Variants in CPS1 observed in about 807,000 individuals in gnomAD.
CPS1 encodes carbamoyl-phosphate synthase [ammonia], mitochondrial.
A neutral mutation model predicts 174.6 loss-of-function variants in CPS1; 109 were observed. That is an observed-to-expected ratio of 0.62 (90% CI 0.53 to 0.73). The LOEUF (loss-of-function observed/expected upper bound fraction) is 0.73. Ranked by LOEUF, CPS1 falls within the 30% of genes least tolerant of loss-of-function variation. CPS1 has a pLI of 0.00. For synonymous variants in CPS1, 637 were observed against 632.0 expected (o/e 1.01, Z -0.12); for missense variants, 1,689 against 1,821.9 (o/e 0.93, Z 1.33).
intron 6 of CPS1, among the ~76,000 whole-genome samples, chr2:210,587,103 GA>G (rs914015185): frequency 6.6e-6 from 1 of 151,216 alleles, no homozygotes. Context: ...GTCAGTGGGA[GA>G]AAAAAAACCC....
In CPS1 at chr2:210,678,365, C is replaced by G. The variant is rs10932349; in HGVS notation, c.*380C>G. The G allele has an allele frequency of 0.073, 20,992 of 289,180 alleles. 813 individuals are homozygous for G. Among genetic ancestry groups the G allele is most frequent in the Middle Eastern group, 0.14 (111 of 820 alleles). The allele number at this position is 289,180 out of a possible 1,614,324, so 17.9% of individuals were successfully genotyped here. Reference sequence around the variant, plus strand: ...TTTAAGATACTCTATTTTTAAAACACTATCTGCAAACTCAGGACACTTTAA... The same window carrying G: ...TTTAAGATACTCTATTTTTAAAACAGTATCTGCAAACTCAGGACACTTTAA... On this transcript the variant is annotated 3_prime_UTR_variant, in exon 38 of 38. Transcript: ENST00000233072.
At chr2:210,643,514 C>CT (rs1398108328) in intron 25 of CPS1, among the ~76,000 whole-genome samples, 2 of 151,990 alleles carry the variant, frequency 1.3e-5, no homozygotes, top group Non-Finnish European at 2.9e-5. Flanking sequence ...TCATTGATTT[C>CT]TTTAAGTTAC....
chr2:210,537,870 A>G (rs1696298935), intron 1 of CPS1, among the ~76,000 whole-genome samples: 1 of 152,176 alleles, frequency 6.6e-6, no homozygotes. Context: ...AGGCTAAAGA[A>G]CAACACTGTA....
At chr2:210,524,967 A>G (rs1448194623) in intron 1 of CPS1, among the ~76,000 whole-genome samples, 1 of 151,978 alleles carries the variant, frequency 6.6e-6, no homozygotes, top group Non-Finnish European at 1.5e-5. Context: ...TACAATCTCT[A>G]TTAATTCCAA....
intron 33 of CPS1, among the ~76,000 whole-genome samples, chr2:210,666,609 T>C (rs2105930784): frequency 6.6e-6 from 1 of 152,314 alleles, no homozygotes; most frequent in East Asian, 1.9e-4. Context: ...CTTGTTTTTC[T>C]CAGGTTTGTC....
intron 34 of CPS1, among the ~76,000 whole-genome samples, chr2:210,669,882 G>C (rs971760579): frequency 1.3e-5 from 2 of 152,110 alleles, no homozygotes; most frequent in Non-Finnish European, 2.9e-5. Flanking sequence ...TCATAATAGT[G>C]CTAACATTTT....
intron 1 of CPS1, among the ~76,000 whole-genome samples, chr2:210,500,092 T>C (rs1695101365): frequency 6.6e-6 from 1 of 152,056 alleles, no homozygotes; most frequent in African/African-American, 2.4e-5. Flanking sequence ...AAGCCCCTTA[T>C]AAAACCATCA....
chr2:210,658,085 G>A (rs957946732), intron 30 of CPS1: 1 of 168,438 alleles, frequency 5.9e-6, no homozygotes, highest in Non-Finnish European at 1.3e-5. Context: ...TGACATGCAG[G>A]GCTTCCCTGC....
At chr2:210,592,098 AATG>A (rs1442579345) in intron 10 of CPS1, 129 bp downstream of exon 10, 2 of 1,056,874 alleles carry the variant, frequency 1.9e-6, no homozygotes, top group Non-Finnish European at 2.7e-6. Context: ...TATCATATGT[AATG>A]ATCAAATCAC....
chr2:210,540,266 TA>T (rs1696363522), intron 1 of CPS1, among the ~76,000 whole-genome samples: 1 of 152,180 alleles, frequency 6.6e-6, no homozygotes, highest in Admixed American at 6.5e-5. Context: ...CCTGTTGTAA[TA>T]ATTCCAAACC....
chr2:210,636,702 A>G (rs1250578670), intron 21 of CPS1, among the ~76,000 whole-genome samples: 1 of 152,054 alleles, frequency 6.6e-6, no homozygotes, highest in African/African-American at 2.4e-5. Context: ...AGTAAAAAGC[A>G]CAAGAAGTTC....
chr2:210,506,432 G>GA (rs573438741), intron 1 of CPS1, among the ~76,000 whole-genome samples: 67 of 152,144 alleles, frequency 4.4e-4, no homozygotes, highest in African/African-American at 1.5e-3. Flanking sequence ...CAAAGATGGG[G>GA]AAAAAACAGA....
In CPS1 at chr2:210,648,517, G is replaced by C; in HGVS notation, c.3381G>C (p.Leu1127Phe). 1 of 1,613,646 alleles carries C rather than the reference G, an allele frequency of 6.2e-7. No homozygotes were observed. The highest frequency in any genetic ancestry group is 8.5e-7 in the Non-Finnish European group (1 of 1,179,720). ...EFAKSVDYPC[L>F]LRPSYVLSGS... ...CAAAGTCTGTGGACTACCCCTGCTTGTTGAGGCCTTCCTATGTTTTGAGGT... is the reference window on the plus strand; with the variant it reads ...CAAAGTCTGTGGACTACCCCTGCTTCTTGAGGCCTTCCTATGTTTTGAGGT... Residue 1127 changes from leucine (L) to phenylalanine (F), a missense_variant, in exon 27 of 38, where the codon TTG (leucine) becomes TTC (phenylalanine). By Grantham distance (22) the Leu-to-Phe change is conservative (BLOSUM62 0). Transcript: ENST00000233072.
At chr2:210,539,036 A>G (rs1481908210) in intron 1 of CPS1, among the ~76,000 whole-genome samples, 1 of 152,190 alleles carries the variant, frequency 6.6e-6, no homozygotes, top group African/African-American at 2.4e-5. Flanking sequence ...ATTGTTGTAT[A>G]AATTGCTTTC....
rs140448235 is a variant in CPS1, at chr2:210,535,374, C to G, written c.4-21345C>G. Among the ~76,000 whole-genome samples the G allele has an allele frequency of 3.6e-3, 552 of 152,240 alleles. 5 individuals are homozygous for G. The highest frequency in any genetic ancestry group is 0.012 in the African/African-American group (498 of 41,548). On this transcript the variant is annotated intron_variant, in intron 1 of 38. Coordinates refer to the CPS1 transcript ENST00000430249. Reference sequence around the variant, plus strand: ...TCTCTTACCCCGTTCCCCTCCCAATCCCTCCACATATTAAAAGCTTTCTAT... The same window carrying G: ...TCTCTTACCCCGTTCCCCTCCCAATGCCTCCACATATTAAAAGCTTTCTAT...
chr2:210,674,828 G>C lies in CPS1; in HGVS notation c.4102-74G>C, dbSNP rs1007350231. 3.4e-6 allele frequency: 4 copies of C among 1,175,998 alleles called. No homozygotes were observed. In the Admixed American group the frequency reaches 5.0e-5, roughly 15 times the overall value. 72.8% of individuals were successfully genotyped at this position (1,175,998 alleles called of 1,614,324 possible). A position where few individuals can be genotyped will look rare whatever the true frequency, so the allele number is the denominator to read the frequency against. ...ATGTAACATTGTCTTTTAAGATGTT[G>C]TAAGGAAATACCATATTGCATAAAT... On this transcript the variant is annotated intron_variant, in intron 34 of 37. Coordinates refer to ENST00000233072, the MANE Select transcript of CPS1 (RefSeq NM_001875.5).
chr2:210,570,804 A>G (rs2106067785), intron 1 of CPS1, among the ~76,000 whole-genome samples: 1 of 152,060 alleles, frequency 6.6e-6, no homozygotes, highest in East Asian at 1.9e-4. Flanking sequence ...TTCATTACTT[A>G]GACGAGAGGT....
intron 4 of CPS1, among the ~76,000 whole-genome samples, chr2:210,577,736 C>T (rs1327796715): frequency 6.6e-6 from 1 of 152,112 alleles, no homozygotes; most frequent in Non-Finnish European, 1.5e-5. Context: ...CTCATACATG[C>T]TTGGTAGCAC....
chr2:210,603,120 A>G (rs772273241), intron 16 of CPS1, among the ~76,000 whole-genome samples: 1 of 151,946 alleles, frequency 6.6e-6, no homozygotes, highest in African/African-American at 2.4e-5. Context: ...GAGTTCAATA[A>G]TGTCTTTGAA....
Sources: gnomAD v4.1 joint callset for allele counts (sites outside exome capture counted in the v4.1 genomes callset) on GRCh38, gnomAD v4.1.1 for gene constraint, MANE v1.5 for transcripts, NCBI Gene and HGNC (gene_info 2026-07-23, HGNC 2026-07-21) for gene names.